Variants in TRDN observed in about 807,000 individuals in gnomAD.
TRDN encodes triadin in skeletal muscle.
Under a neutral mutation model 149.7 loss-of-function variants are expected in TRDN, and 161 were observed. The ratio of observed to expected loss-of-function variants is 1.08; its 90% CI spans 0.95 to 1.23. The LOEUF (loss-of-function observed/expected upper bound fraction) is 1.23. Ranked by LOEUF, TRDN falls within the 50% of genes most tolerant of loss-of-function variation. The pLI, the probability that TRDN is intolerant of heterozygous loss-of-function variation, is 0.00. For synonymous variants in TRDN, 294 were observed against 250.5 expected (o/e 1.17, Z -1.64); for missense variants, 896 against 823.5 (o/e 1.09, Z -1.08).
In TRDN at chr6:123,337,554, C is replaced by T. The variant is rs952326402; in HGVS notation, c.1420+65G>A. On this transcript the variant is annotated intron_variant, in intron 22 of 40. Transcript: ENST00000334268. ...TTGCAAAGGGGATGCAGCTAATGTACTGTGTTCTCAATAATATATATTTCC... is the reference window on the plus strand; with the variant it reads ...TTGCAAAGGGGATGCAGCTAATGTATTGTGTTCTCAATAATATATATTTCC... 2.1e-5 allele frequency: 16 copies of T among 769,632 alleles called. No homozygotes were observed. The African/African-American group carries it at 3.0e-4, about 14-fold the overall frequency. 47.7% of individuals were successfully genotyped at this position (769,632 alleles called of 1,614,324 possible). A position where few individuals can be genotyped will look rare whatever the true frequency, so the allele number is the denominator to read the frequency against.
intron 9 of TRDN, among the ~76,000 whole-genome samples, chr6:123,478,489 T>C (rs1475289857): frequency 6.6e-6 from 1 of 152,138 alleles, no homozygotes; most frequent in East Asian, 1.9e-4. Context: ...TTCTATCAAC[T>C]CCACAGAAAA....
At chr6:123,489,880 C>CT (rs546721215) in intron 9 of TRDN, among the ~76,000 whole-genome samples, 2,886 of 146,716 alleles carry the variant, frequency 0.02, 82 homozygotes, top group African/African-American at 0.064. Context: ...CTGGAGACAT[C>CT]TTTTTTTTTT....
chr6:123,575,422 T>C (rs1313797741), intron 1 of TRDN, among the ~76,000 whole-genome samples: 2 of 152,086 alleles, frequency 1.3e-5, no homozygotes, highest in African/African-American at 4.8e-5. Flanking sequence ...TCTGAGATTA[T>C]TTAATGTTTG....
rs910564442 is a variant in TRDN, at chr6:123,218,150, A to T, written c.*451T>A. 1 of 152,182 alleles carries T rather than the reference A, an allele frequency of 6.6e-6. No individual in the cohort carries two copies. Among genetic ancestry groups the T allele is most frequent in the Non-Finnish European group, 1.5e-5 (1 of 68,104 alleles). 9.4% of individuals were successfully genotyped at this position (152,182 alleles called of 1,614,324 possible). A position where few individuals can be genotyped will look rare whatever the true frequency, so the allele number is the denominator to read the frequency against. ...TCAACTTATTGGGTAAATTAAGTTT[A>T]GATACCCATATGATGCAAAAGGGTC... On this transcript the variant is annotated 3_prime_UTR_variant, in exon 41 of 41. Transcript: ENST00000334268.
chr6:123,630,153 T>C (rs1322376983), intron 1 of TRDN, among the ~76,000 whole-genome samples: 2 of 152,056 alleles, frequency 1.3e-5, no homozygotes, highest in South Asian at 2.1e-4. Context: ...ATGAAGATTT[T>C]TCCCCTGCTT....
chr6:123,299,311 C>T (rs1379098953), intron 24 of TRDN, among the ~76,000 whole-genome samples: 1 of 152,060 alleles, frequency 6.6e-6, no homozygotes, highest in East Asian at 1.9e-4. Flanking sequence ...ATGGACATGG[C>T]TAAAGTAGTC....
At chr6:123,380,138 T>C (rs979726245) in intron 16 of TRDN, among the ~76,000 whole-genome samples, 7 of 152,292 alleles carry the variant, frequency 4.6e-5, no homozygotes, top group Admixed American at 3.9e-4. Context: ...TTTCTTCTCC[T>C]TATTGCTGCC....
At chr6:123,498,460 C>T (rs1293473796) in intron 8 of TRDN, 3 of 433,904 alleles carry the variant, frequency 6.9e-6, no homozygotes, top group African/African-American at 2.0e-5. Flanking sequence ...TAAATAAGGG[C>T]AGGCCAAAAC....
chr6:123,371,518 T>TA (rs1487966069), intron 19 of TRDN, among the ~76,000 whole-genome samples: 2 of 152,224 alleles, frequency 1.3e-5, no homozygotes, highest in African/African-American at 4.8e-5. Flanking sequence ...CCATGCTTTA[T>TA]AGTGCCATGT....
At chr6:123,565,819 G>A (rs924485321) in intron 2 of TRDN, among the ~76,000 whole-genome samples, 2 of 152,288 alleles carry the variant, frequency 1.3e-5, no homozygotes, top group Admixed American at 1.3e-4. Context: ...TGGGGGAAAG[G>A]CGTCAATTTA....
At chr6:123,353,516 C>A (rs1780545483) in intron 20 of TRDN, among the ~76,000 whole-genome samples, 1 of 151,700 alleles carries the variant, frequency 6.6e-6, no homozygotes, top group African/African-American at 2.4e-5. Context: ...CCAGATTTAG[C>A]TTTCAGTTTC....
intron 21 of TRDN, among the ~76,000 whole-genome samples, chr6:123,345,044 T>G (rs1780202312): frequency 6.6e-6 from 1 of 152,020 alleles, no homozygotes; most frequent in Non-Finnish European, 1.5e-5. Context: ...TCTTTATATC[T>G]TATAAGCCCA....
chr6:123,582,296 T>C (rs1249659441), intron 1 of TRDN, among the ~76,000 whole-genome samples: 1 of 152,042 alleles, frequency 6.6e-6, no homozygotes, highest in Non-Finnish European at 1.5e-5. Context: ...CCAGAATCAA[T>C]AGACAGGTGT....
intron 9 of TRDN, 26 bp from the exon 10 acceptor site, chr6:123,465,009 GA>G (rs374707147): frequency 2.1e-3 from 2,912 of 1,415,488 alleles, no homozygotes; most frequent in South Asian, 5.6e-3. Context: ...GTAGGAATTG[GA>G]AAAAAAAAAG....
At chr6:123,442,191 T>A (rs1209273591) in intron 10 of TRDN, 1 of 152,310 alleles carries the variant, frequency 6.6e-6, no homozygotes, top group East Asian at 1.9e-4. Context: ...TCCATGACTC[T>A]TCCTAGTTGT....
intron 5 of TRDN, among the ~76,000 whole-genome samples, chr6:123,516,633 G>A (rs543280355): frequency 6.6e-6 from 1 of 152,148 alleles, no homozygotes; most frequent in Non-Finnish European, 1.5e-5. Context: ...TAAACAGTAT[G>A]TGTTAATCGT....
intron 38 of TRDN, among the ~76,000 whole-genome samples, chr6:123,238,796 A>G (rs1468151122): frequency 6.6e-6 from 1 of 152,192 alleles, no homozygotes; most frequent in Non-Finnish European, 1.5e-5. Context: ...GAAAGCTGGA[A>G]TAATTATATT....
intron 10 of TRDN, among the ~76,000 whole-genome samples, chr6:123,444,023 G>A (rs1486328287): frequency 2.0e-5 from 3 of 150,340 alleles, no homozygotes; most frequent in Admixed American, 2.0e-4. Flanking sequence ...GGTCCCATAT[G>A]AACTTTAAAG....
At chr6:123,475,811 A>G (rs1299638759) in intron 9 of TRDN, among the ~76,000 whole-genome samples, 1 of 151,568 alleles carries the variant, frequency 6.6e-6, no homozygotes, top group Non-Finnish European at 1.5e-5. Flanking sequence ...CAAAAACCAC[A>G]TGATTATCTC....
Sources: allele counts gnomAD v4.1 joint callset (sites outside exome capture counted in the v4.1 genomes callset), GRCh38; gene constraint gnomAD v4.1.1; transcripts MANE v1.5; gene names NCBI Gene and HGNC (gene_info 2026-07-23, HGNC 2026-07-21).